The following ATP8A2 variants were observed in gnomAD, a reference collection of about 807,000 sequenced individuals.
ATP8A2 encodes the protein ATPase phospholipid transporting 8A2, also known as phospholipid-transporting ATPase IB.
A neutral mutation model predicts 165.6 loss-of-function variants in ATP8A2; 100 were observed. That is an observed-to-expected ratio of 0.60 (90% CI 0.51 to 0.71). The LOEUF is 0.71. Among genes scored for constraint, ATP8A2 ranks in the 30% least tolerant of loss-of-function variants. The pLI is 0.00. For synonymous variants in ATP8A2, 543 were observed against 548.8 expected, an observed-to-expected ratio of 0.99 and a Z score of 0.15; for missense variants, 1,227 against 1,479.5, an observed-to-expected ratio of 0.83 and a Z score of 2.80.
At chr13:25,580,672 T>C (rs2039749995) in intron 22 of ATP8A2, among the ~76,000 whole-genome samples, 1 of 152,186 alleles carries the variant, frequency 6.6e-6, no homozygotes, top group South Asian at 2.1e-4. Flanking sequence ...TAGCTGGGAC[T>C]ACAGTCTCAT....
At chr13:25,884,920 G>A (rs1953097133) in intron 33 of ATP8A2, among the ~76,000 whole-genome samples, 1 of 152,048 alleles carries the variant, frequency 6.6e-6, no homozygotes, top group Non-Finnish European at 1.5e-5. Context: ...GCCGACTGTT[G>A]ACTCTGCAGG....
chr13:25,899,404 A>C lies in ATP8A2; in HGVS notation c.3183+36996A>C, dbSNP rs142542222. On this transcript the variant is annotated intron_variant, in intron 33 of 36. Transcript: ENST00000381655. Reference sequence around the variant, plus strand: ...TGACAAATTGAGAATATAGAACCTGATTTATCTAGAGTTTTGCCAGATAAT... The same window carrying C: ...TGACAAATTGAGAATATAGAACCTGCTTTATCTAGAGTTTTGCCAGATAAT... Among the ~76,000 whole-genome samples, 554 of 152,252 alleles carry C rather than the reference A, an allele frequency of 3.6e-3. 5 individuals are homozygous for C. The highest frequency in any genetic ancestry group is 2.3e-3 in the Non-Finnish European group (156 of 68,024).
At chr13:25,793,447 A>G (rs960012543) in intron 27 of ATP8A2, among the ~76,000 whole-genome samples, 2 of 152,336 alleles carry the variant, frequency 1.3e-5, no homozygotes, top group South Asian at 4.1e-4. Flanking sequence ...AATTTTATTT[A>G]TCTAGATTAG....
chr13:25,425,627 T>A (rs1198667319), intron 1 of ATP8A2, among the ~76,000 whole-genome samples: 1 of 151,084 alleles, frequency 6.6e-6, no homozygotes, highest in African/African-American at 2.4e-5. Flanking sequence ...CAGGCTGGAG[T>A]GCAATGGCAC....
chr13:25,488,076 A>G (rs1466382296), intron 2 of ATP8A2, among the ~76,000 whole-genome samples: 1 of 152,224 alleles, frequency 6.6e-6, no homozygotes, highest in Non-Finnish European at 1.5e-5. Context: ...TGCCTAGGAC[A>G]CAGTACAGTG....
chr13:26,008,020 T>C (rs1956776842), intron 35 of ATP8A2, among the ~76,000 whole-genome samples: 1 of 152,186 alleles, frequency 6.6e-6, no homozygotes, highest in African/African-American at 2.4e-5. Flanking sequence ...TGGAAGCCCA[T>C]GCTTATATGA....
intron 25 of ATP8A2, among the ~76,000 whole-genome samples, chr13:25,768,076 T>TGGGGGGGGGGGGGGGGGGGG (rs397942177): frequency 2.0e-5 from 1 of 49,312 alleles, no homozygotes; most frequent in African/African-American, 5.6e-5. Flanking sequence ...TGTGGTGGCG[T>TGGGGGGGGGGGGGGGGGGGG]GGGGGGGGGG....
chr13:25,973,253 C>T (rs533700853), intron 35 of ATP8A2, among the ~76,000 whole-genome samples: 1 of 152,322 alleles, frequency 6.6e-6, no homozygotes, highest in Admixed American at 6.5e-5. Context: ...GCCGTCGCCT[C>T]GTCTCCCTTC....
intron 35 of ATP8A2, among the ~76,000 whole-genome samples, chr13:26,011,346 TCTC>T (rs1413459183): frequency 6.6e-6 from 1 of 152,140 alleles, no homozygotes; most frequent in African/African-American, 2.4e-5. Context: ...TGTGTCCTCA[TCTC>T]CTCTTCTTAT....
rs541665706 is a variant in ATP8A2 at position 25,828,310 on chromosome 13, G to C, written c.2754+118G>C. The stretch of plus-strand genomic sequence containing the variant: ...CAATCATCTGTATACTTAGCAGGCA[G>C]CACAAATACATCTTTGGGCCCTTTG... On this transcript the variant is annotated intron_variant, in intron 28 of 36. Transcript: ENST00000381655. 1.7e-3 allele frequency: 1,438 copies of C among 855,688 alleles called. 3 individuals carry two copies. The highest frequency in any genetic ancestry group is 2.4e-3 in the Non-Finnish European group (1,240 of 517,126). The allele number at this position is 855,688 out of a possible 1,614,324, so 53.0% of individuals were successfully genotyped here.
At chr13:25,846,443 G>T (rs974286608) in intron 30 of ATP8A2, among the ~76,000 whole-genome samples, 2 of 152,174 alleles carry the variant, frequency 1.3e-5, no homozygotes, top group African/African-American at 4.8e-5. Context: ...TCGGAATGAG[G>T]TAGGAGAAGA....
chr13:25,690,307 T>C (rs536017703), intron 24 of ATP8A2, among the ~76,000 whole-genome samples: 1 of 152,312 alleles, frequency 6.6e-6, no homozygotes, highest in African/African-American at 2.4e-5. Flanking sequence ...TTTTCTCTTA[T>C]GCATCTCACT....
chr13:25,638,902 G>T (rs1028615791), intron 24 of ATP8A2, among the ~76,000 whole-genome samples: 33 of 152,268 alleles, frequency 2.2e-4, no homozygotes, highest in Admixed American at 1.3e-3. Context: ...ACTAACAGCG[G>T]ATCTCTTGGC....
chr13:25,988,234 T>G (rs1182581812), intron 35 of ATP8A2, among the ~76,000 whole-genome samples: 1 of 152,258 alleles, frequency 6.6e-6, no homozygotes, highest in Non-Finnish European at 1.5e-5. Flanking sequence ...TGTCTGGTCC[T>G]GCAGCATCAC....
chr13:25,474,082 C>T (rs1164513191), intron 2 of ATP8A2, among the ~76,000 whole-genome samples: 1 of 152,156 alleles, frequency 6.6e-6, no homozygotes. Flanking sequence ...TATAGTTACT[C>T]AGTTTTGAAT....
chr13:26,009,466 T>C lies in ATP8A2; in HGVS notation c.3378-3065T>C, dbSNP rs551527209. Among the ~76,000 whole-genome samples, 60 of 152,252 alleles carry C rather than the reference T, an allele frequency of 3.9e-4. 1 individual carries two copies. Among genetic ancestry groups the C allele is most frequent in the African/African-American group, 1.4e-3 (60 of 41,548 alleles). ...GAACATCCCAGCCCACACATCCAGG[T>C]TCTGTTCACATCCCCATGCAAAAAG... is the stretch of plus-strand genomic sequence containing the variant. On this transcript the variant is annotated intron_variant, in intron 35 of 36. Transcript: ENST00000381655.
chr13:25,531,178 TA>T (rs1566228613), intron 4 of ATP8A2, among the ~76,000 whole-genome samples: 12 of 138,678 alleles, frequency 8.7e-5, no homozygotes, highest in Admixed American at 1.5e-4. Flanking sequence ...TTATATGATA[TA>T]TATATGTTAT....
intron 25 of ATP8A2, among the ~76,000 whole-genome samples, chr13:25,737,964 G>C (rs536231370): frequency 6.6e-6 from 1 of 152,282 alleles, no homozygotes; most frequent in Admixed American, 6.5e-5. Context: ...GATTACAGGC[G>C]TGAGCCATCA....
At chr13:25,616,400 C>T (rs772135640) in intron 24 of ATP8A2, among the ~76,000 whole-genome samples, 4 of 142,196 alleles carry the variant, frequency 2.8e-5, no homozygotes, top group Non-Finnish European at 6.0e-5. Context: ...GGCACCATCT[C>T]GGCTCACTGC....
Sources: gnomAD v4.1 joint callset for allele counts (sites outside exome capture counted in the v4.1 genomes callset) on GRCh38, gnomAD v4.1.1 for gene constraint, MANE v1.5 for transcripts, NCBI Gene and HGNC (gene_info 2026-07-23, HGNC 2026-07-21) for gene names.